TMEM63B: variants seen among roughly 807,000 people sequenced by gnomAD.
TMEM63B encodes the protein transmembrane protein 63B, also known as mechanosensitive cation channel TMEM63B.
A neutral mutation model predicts 102.6 loss-of-function variants in TMEM63B; 23 were observed. That is an observed-to-expected ratio of 0.22 (90% confidence interval 0.16 to 0.32). The LOEUF (loss-of-function observed/expected upper bound fraction) is 0.32. Among genes scored for constraint, TMEM63B ranks in the 10% least tolerant of loss-of-function variants. The probability of loss-of-function intolerance (pLI) is 1.00; values close to 1 mark genes in which losing one functional copy is unlikely to be tolerated. For missense variants in TMEM63B, 628 were observed against 1,095.9 expected, an observed-to-expected ratio of 0.57 and a Z score of 6.03; for synonymous variants, 444 against 437.0, an observed-to-expected ratio of 1.02 and a Z score of -0.20.
chr6:44,141,578 G>A (rs1764272278), intron 10 of TMEM63B, among the ~76,000 whole-genome samples: 1 of 152,098 alleles, frequency 6.6e-6, no homozygotes, highest in Admixed American at 6.6e-5. Context: ...CCTATGGCCA[G>A]AAACTAGAGA....
Position 44,155,021 on chromosome 6 carries a change from G to A in TMEM63B, c.*138G>A, listed in dbSNP as rs1384081421. ...CTTTCATTAAGGTATTTAAACTTGG[G>A]GGTTTCACTGCTCTCCCCCATGATG... On this transcript the variant is annotated 3_prime_UTR_variant, in exon 24 of 24. Transcript: ENST00000323267. 2 of 827,630 alleles carry A rather than the reference G, an allele frequency of 2.4e-6. No homozygotes were observed. Among genetic ancestry groups the A allele is most frequent in the African/African-American group, 1.9e-5 (1 of 53,006 alleles). The allele number at this position is 827,630 out of a possible 1,614,324, so 51.3% of individuals were successfully genotyped here.
intron 18 of TMEM63B, 42 bp from the exon 19 acceptor site, chr6:44,151,804 G>A (rs758690594): frequency 1.1e-5 from 17 of 1,539,248 alleles, no homozygotes; most frequent in Non-Finnish European, 1.5e-5. Flanking sequence ...CGGCCACCGG[G>A]TCACCCCAAG....
intron 6 of TMEM63B, 148 bp from the exon 7 acceptor site, chr6:44,139,319 A>C (rs1014185279): frequency 7.7e-6 from 7 of 911,768 alleles, no homozygotes; most frequent in Non-Finnish European, 1.0e-5. Flanking sequence ...ATAGGGGACC[A>C]AGAAGTCCCA....
Position 44,150,528 on chromosome 6 carries a change from C to T in TMEM63B, c.1608-36C>T, listed in dbSNP as rs1414451933. 1.2e-6 allele frequency: 2 copies of T among 1,611,658 alleles called. No homozygotes were observed. The highest frequency in any genetic ancestry group is 2.2e-5 in the South Asian group (2 of 90,924). ...CCTCCCCTGGTGTTCTGTACCACTC[C>T]AGCTCCCACCCCATCTCTCCTCTGC... On this transcript the variant is annotated intron_variant, in intron 17 of 23. Transcript: ENST00000323267. This position sits in a 1 kb window ranked among gnomAD's most constrained non-coding sequence, Gnocchi z 4.7.
intron 5 of TMEM63B, among the ~76,000 whole-genome samples, chr6:44,136,767 A>C (rs1440508459): frequency 2.6e-5 from 4 of 152,212 alleles, no homozygotes; most frequent in African/African-American, 9.6e-5. Context: ...TAGAAATAAT[A>C]ATAAGCCCTT....
At position 44,139,567 on chromosome 6, in the gene TMEM63B, G is replaced by A. The variant is rs765884785; in HGVS notation, c.508G>A (p.Val170Ile). 6 of 1,614,222 alleles carry A rather than the reference G, an allele frequency of 3.7e-6. No individual in the cohort carries two copies. Among genetic ancestry groups the A allele is most frequent in the Admixed American group, 3.3e-5 (2 of 60,028 alleles). Residue 170 changes from valine to isoleucine, a missense_variant, in exon 7 of 24, where the codon GTA (valine) becomes ATA (isoleucine). By Grantham distance (29) the Val-to-Ile change is conservative. Coordinates refer to ENST00000323267, the MANE Select transcript of TMEM63B (RefSeq NM_018426.3). ...GLLVVVGVLS[V>I]GIVLPVNFSG... ...GCTGGTGGTTGTGGGCGTCCTCTCC[G>A]TAGGCATCGTGCTGCCTGTCAACTT...
intron 10 of TMEM63B, among the ~76,000 whole-genome samples, chr6:44,146,247 C>T (rs1765348657): frequency 6.6e-6 from 1 of 152,076 alleles, no homozygotes; most frequent in South Asian, 2.1e-4. Flanking sequence ...GGAATCAGAC[C>T]ATAGCCCTGG....
At chr6:44,136,297 C>G in intron 4 of TMEM63B, 52 bp from the exon 5 acceptor site, 1 of 1,524,508 alleles carries the variant, frequency 6.6e-7, no homozygotes, top group South Asian at 1.1e-5. Context: ...CCCAGCTTCC[C>G]GGGGGCTCAG....
chr6:44,153,504 A>G (rs1303362005), intron 20 of TMEM63B, among the ~76,000 whole-genome samples, 172 bp from the exon 21 acceptor site: 2 of 152,220 alleles, frequency 1.3e-5, no homozygotes, highest in African/African-American at 2.4e-5. Context: ...TAGCGGAGGA[A>G]GCTGAAGTTC....
rs778328775 is a variant in TMEM63B, at chr6:44,139,593, C to T, written c.534C>T (p.Phe178=). ...TAGGCATCGTGCTGCCTGTCAACTT[C>T]TCAGGGGACCTGCTGGGTCAGTGAG... ...LSVGIVLPVN[F]SGDLLENNAY... Residue 178 remains phenylalanine (F), a synonymous_variant, in exon 7 of 24, where the codon TTC becomes TTT. Transcript: ENST00000323267. 3.1e-6 allele frequency: 5 copies of T among 1,614,094 alleles called. No homozygotes were observed. In the Admixed American group the frequency reaches 8.3e-5, roughly 27 times the overall value.
At position 44,147,504 on chromosome 6, in the gene TMEM63B, T is replaced by C. The variant is rs201129205; in HGVS notation, c.987+4T>C. On this transcript the variant is annotated splice_donor_region_variant and intron_variant, in intron 12 of 23. Transcript: ENST00000323267. ...TGTGGTGCGAGGCTGTGAGCAGGTA[T>C]GACGCGGGCTGGCTGTTGAGTCGGG... The C allele has an allele frequency of 8.5e-5, 137 of 1,614,014 alleles. No individual in the cohort carries two copies. The Admixed American group carries it at 2.1e-3, about 25-fold the overall frequency.
rs1367247935 is a variant in TMEM63B at position 44,147,360 on chromosome 6, G to T, written c.864-17G>T. ...CCCAGCCCCAGATGTAGGTGACCAG[G>T]CATCTGGGTCCCACAGGAAGAAGGC... On this transcript the variant is annotated splice_polypyrimidine_tract_variant and intron_variant, in intron 11 of 23. Transcript: ENST00000323267. 6.2e-7 allele frequency: 1 copy of T among 1,614,094 alleles called. No individual in the cohort carries two copies. The highest frequency in any genetic ancestry group is 1.7e-5 in the Admixed American group (1 of 60,018).
At position 44,153,920 on chromosome 6, in the gene TMEM63B, G is replaced by C. The variant is rs546620356; in HGVS notation, c.2110+77G>C. On this transcript the variant is annotated intron_variant, in intron 21 of 23. Transcript: ENST00000323267. ...GCCAGAGCAGGCCACAGGAGAAGCC[G>C]CATGGCTGGGGGTGGCAGGCAAGGG... The C allele has an allele frequency of 3.9e-5, 62 of 1,575,956 alleles. No individual in the cohort carries two copies. In the African/African-American group the frequency reaches 6.2e-4, roughly 16 times the overall value.
intron 1 of TMEM63B, chr6:44,134,283 G>T: frequency 2.6e-6 from 1 of 390,316 alleles, no homozygotes; most frequent in Non-Finnish European, 4.6e-6. Context: ...GAAAATCACA[G>T]ATACCTTCCA....
chr6:44,137,652 T>C (rs1763240591), intron 5 of TMEM63B, among the ~76,000 whole-genome samples: 1 of 152,088 alleles, frequency 6.6e-6, no homozygotes, highest in South Asian at 2.1e-4. Context: ...AATATCCCCA[T>C]TCTCTGCCTT....
In TMEM63B at chr6:44,129,316, C is replaced by T. The variant is rs562814184; in HGVS notation, c.-25+1638C>T. On this transcript the variant is annotated intron_variant, in intron 1 of 23. Transcript: ENST00000323267. ...CTGGGAGGCGGAGGTTGCAGTGAGCCGAGATTGTGGCACTTCACTCCAGCC... is the reference window on the plus strand; with the variant it reads ...CTGGGAGGCGGAGGTTGCAGTGAGCTGAGATTGTGGCACTTCACTCCAGCC... Among the ~76,000 whole-genome samples, 3 of 147,016 alleles carry T rather than the reference C, an allele frequency of 2.0e-5. No individual in the cohort carries two copies. In the East Asian group the frequency reaches 5.9e-4, roughly 29 times the overall value.
At chr6:44,141,752 A>T (rs750939186) in intron 10 of TMEM63B, among the ~76,000 whole-genome samples, 1 of 152,228 alleles carries the variant, frequency 6.6e-6, no homozygotes, top group Non-Finnish European at 1.5e-5. Flanking sequence ...CTACTCTCAC[A>T]CAGGCATCTG....
At chr6:44,147,703 G>T (rs1047962654) in intron 12 of TMEM63B, among the ~76,000 whole-genome samples, 2 of 152,230 alleles carry the variant, frequency 1.3e-5, no homozygotes, top group African/African-American at 2.4e-5. Context: ...GGACAATGTT[G>T]TGCTGTACCC....
At chr6:44,144,809 G>A (rs1765014387) in intron 10 of TMEM63B, among the ~76,000 whole-genome samples, 1 of 151,756 alleles carries the variant, frequency 6.6e-6, no homozygotes, top group Non-Finnish European at 1.5e-5. Flanking sequence ...TGTTGCCCAG[G>A]CTGGTCATGA....
Sources: allele counts gnomAD v4.1 joint callset (sites outside exome capture counted in the v4.1 genomes callset), GRCh38; gene constraint gnomAD v4.1.1; non-coding constraint Gnocchi (gnomAD v3.1); transcripts MANE v1.5; gene names NCBI Gene and HGNC (gene_info 2026-07-23, HGNC 2026-07-21).